The following COL3A1 variants were observed in gnomAD, a reference collection of about 807,000 sequenced individuals.
COL3A1 encodes the protein collagen alpha-1(III) chain.
A neutral mutation model predicts 200.9 loss-of-function variants in COL3A1; 46 were observed. The ratio of observed to expected loss-of-function variants is 0.23; its 90% CI spans 0.18 to 0.29. The LOEUF (loss-of-function observed/expected upper bound fraction) is 0.29. Among genes scored for constraint, COL3A1 ranks in the 10% least tolerant of loss-of-function variants. The probability of loss-of-function intolerance (pLI) is 1.00; values close to 1 mark genes in which losing one functional copy is unlikely to be tolerated. For missense variants in COL3A1, 1,367 were observed against 1,917.6 expected (o/e 0.71, Z 5.36); for synonymous variants, 650 against 628.0 (o/e 1.03, Z -0.52).
intron 24 of COL3A1, 36 bp from the exon 25 acceptor site, chr2:188,997,129 T>C (rs1295669480): frequency 1.2e-6 from 2 of 1,601,412 alleles, no homozygotes; most frequent in African/African-American, 1.3e-5. Context: ...TTATTGCCCT[T>C]TGAGGATTAG....
At chr2:188,989,976 T>A (rs1688151655) in intron 8 of COL3A1, 120 bp from the exon 9 acceptor site, 1 of 896,958 alleles carries the variant, frequency 1.1e-6, no homozygotes, top group African/African-American at 1.6e-5. Flanking sequence ...AACTATACAT[T>A]TTGTGGAACC....
In COL3A1 at chr2:189,001,277, A is replaced by T. The variant is rs889996233; in HGVS notation, c.2284-120A>T. 3.9e-5 allele frequency: 37 copies of T among 953,484 alleles called. No individual in the cohort carries two copies. The African/African-American group carries it at 4.2e-4, about 11-fold the overall frequency. 59.1% of individuals were successfully genotyped at this position (953,484 alleles called of 1,614,324 possible). ...AAAGCATAGCATTCAAGCCATAAAA[A>T]TTTTTAAAAAGTATGTTATCTAGTT... is the stretch of plus-strand genomic sequence containing the variant. On this transcript the variant is annotated intron_variant, in intron 32 of 50. Coordinates refer to ENST00000304636, the MANE Select transcript of COL3A1 (RefSeq NM_000090.4).
intron 1 of COL3A1, among the ~76,000 whole-genome samples, chr2:188,976,798 T>C (rs559165156): frequency 2.6e-5 from 4 of 152,320 alleles, no homozygotes; most frequent in Non-Finnish European, 5.9e-5. Context: ...TGGAGAAACA[T>C]AGTCTGTTTT....
chr2:188,988,668 T>C, intron 7 of COL3A1, 25 bp downstream of exon 7: 1 of 1,540,394 alleles, frequency 6.5e-7, no homozygotes, highest in Non-Finnish European at 9.0e-7. Flanking sequence ...AATTTATATT[T>C]AGTAAGTCGA....
At position 188,990,113 on chromosome 2, in the gene COL3A1, C is replaced by G. The variant is rs775390389; in HGVS notation, c.708C>G (p.Pro236=). Residue 236 remains proline (P), a synonymous_variant, in exon 9 of 51, where the codon CCC becomes CCG. Transcript: ENST00000304636. Reference sequence around the variant, plus strand: ...CTACCTAGGGAGAATCAGGTAGACCCGGACGACCTGGAGAGCGAGGATTGC... The same window carrying G: ...CTACCTAGGGAGAATCAGGTAGACCGGGACGACCTGGAGAGCGAGGATTGC... The part of the protein sequence containing the change: ...PAGKDGESGR[P]GRPGERGLPG... 13 of 1,613,624 alleles carry G rather than the reference C, an allele frequency of 8.1e-6. No homozygotes were observed. Among genetic ancestry groups the G allele is most frequent in the Non-Finnish European group, 1.0e-5 (12 of 1,179,704 alleles).
At chr2:189,003,907 T>A (rs1321178408) in intron 38 of COL3A1, 75 bp from the exon 39 acceptor site, 28 of 1,572,474 alleles carry the variant, frequency 1.8e-5, no homozygotes, top group Non-Finnish European at 2.2e-5. Context: ...ATAAAATTAT[T>A]TGAAGTAAGT....
intron 5 of COL3A1, among the ~76,000 whole-genome samples, 176 bp from the exon 6 acceptor site, chr2:188,987,905 A>T (rs1337122040): frequency 6.6e-6 from 1 of 152,096 alleles, no homozygotes; most frequent in East Asian, 1.9e-4. Flanking sequence ...TCATTACAGT[A>T]ATGTTTGCTT....
chr2:188,985,191 T>C lies in COL3A1; in HGVS notation c.283-6T>C, dbSNP rs758592053. 4.3e-6 allele frequency: 7 copies of C among 1,612,308 alleles called. No homozygotes were observed. The highest frequency in any genetic ancestry group is 5.1e-6 in the Non-Finnish European group (6 of 1,178,644). ...TTGTTTAACTTGTTTCTTTTCCATT[T>C]ATTAGCCTACTCGCCCTCCTAATGG... On this transcript the variant is annotated splice_region_variant and splice_polypyrimidine_tract_variant and intron_variant, in intron 2 of 50. Coordinates refer to ENST00000304636, the MANE Select transcript of COL3A1 (RefSeq NM_000090.4).
chr2:188,979,720 G>A (rs1439067905), intron 1 of COL3A1, among the ~76,000 whole-genome samples: 1 of 151,702 alleles, frequency 6.6e-6, no homozygotes, highest in Non-Finnish European at 1.5e-5. Context: ...TAACCTTGCA[G>A]GGATAAAAAA....
chr2:188,998,153 C>G, intron 27 of COL3A1, 113 bp from the exon 28 acceptor site: 2 of 961,676 alleles, frequency 2.1e-6, no homozygotes, highest in Non-Finnish European at 1.6e-6. Context: ...TCTACCCCTA[C>G]AAGACCACTG....
At chr2:188,998,210 CT>C in intron 27 of COL3A1, 55 bp from the exon 28 acceptor site, 1 of 1,509,114 alleles carries the variant, frequency 6.6e-7, no homozygotes, top group Non-Finnish European at 9.2e-7. Flanking sequence ...ATATGAGAAG[CT>C]TTTCTATAAG....
chr2:189,002,464 C>T (rs1688489655), intron 35 of COL3A1, 113 bp downstream of exon 35: 2 of 903,462 alleles, frequency 2.2e-6, no homozygotes, highest in East Asian at 5.1e-5. Flanking sequence ...GCTGCTCATT[C>T]CCTATAGGAT....
At position 188,994,041 on chromosome 2, in the gene COL3A1, C is replaced by A; in HGVS notation, c.1153C>A (p.Pro385Thr). ...GHAGAQGPPGPPGINGSPGGK... is the reference protein window; with the variant it reads ...GHAGAQGPPGTPGINGSPGGK... ...TATCTGTTTTTTGTATACTTAGGGC[C>A]CTCCTGGGATTAATGGTAGTCCTGG... The change falls in exon 17 of 51, where the codon CCT becomes ACT. Residue 385 changes from proline to threonine, a missense_variant. Coordinates refer to ENST00000304636, the MANE Select transcript of COL3A1 (RefSeq NM_000090.4). The surrounding 1 kb of genome is among the most constrained non-coding windows in gnomAD (Gnocchi z 4.5). 6.2e-7 allele frequency: 1 copy of A among 1,613,880 alleles called. No individual in the cohort carries two copies. The highest frequency in any genetic ancestry group is 8.5e-7 in the Non-Finnish European group (1 of 1,179,866).
intron 39 of COL3A1, 56 bp from the exon 40 acceptor site, chr2:189,004,201 A>G: frequency 1.2e-6 from 2 of 1,607,708 alleles, no homozygotes; most frequent in Non-Finnish European, 1.7e-6. Flanking sequence ...TCACAAATCG[A>G]TTAGAGAAAA....
In COL3A1 at chr2:188,984,873, A is replaced by G. The variant is rs1440480352; in HGVS notation, c.193A>G (p.Ile65Val). Reference protein sequence around the residue: ...CDSGSVLCDDIICDDQELDCP... With the variant: ...CDSGSVLCDDVICDDQELDCP... Reference sequence around the variant, plus strand: ...CTCAGGATCCGTTCTCTGCGATGACATAATATGTGACGATCAAGAATTAGA... The same window carrying G: ...CTCAGGATCCGTTCTCTGCGATGACGTAATATGTGACGATCAAGAATTAGA... Residue 65 changes from isoleucine to valine, a missense_variant, in exon 2 of 51, where the codon ATA becomes GTA. Ile to Val is a conservative substitution (Grantham distance 29). This residue lies in a region of COL3A1 where 462 missense variants were observed against 681.4 expected (regional missense o/e 0.68). Coordinates refer to ENST00000304636, the MANE Select transcript of COL3A1 (RefSeq NM_000090.4). 1 of 1,613,262 alleles carries G rather than the reference A, an allele frequency of 6.2e-7. No homozygotes were observed. Among genetic ancestry groups the G allele is most frequent in the Non-Finnish European group, 8.5e-7 (1 of 1,179,440 alleles).
intron 24 of COL3A1, 95 bp from the exon 25 acceptor site, chr2:188,997,069 TG>T: frequency 1.3e-6 from 1 of 791,732 alleles, no homozygotes; most frequent in Non-Finnish European, 2.2e-6. Flanking sequence ...CATATATATA[TG>T]AGACATATAT....
rs1357816631 is a variant in COL3A1 at position 188,991,512 on chromosome 2, A to G, written c.878A>G (p.Asn293Ser). Residue 293 changes from asparagine to serine, a missense_variant, in exon 12 of 51, where the codon AAT (asparagine) becomes AGT (serine). Transcript: ENST00000304636. The part of the protein sequence containing the change: ...LKGENGLPGE[N>S]GAPGPMGPRG... Reference sequence around the variant, plus strand: ...GGTGAAAATGGTCTTCCAGGCGAAAATGGAGCTCCTGGACCCATGGTAATT... The same window carrying G: ...GGTGAAAATGGTCTTCCAGGCGAAAGTGGAGCTCCTGGACCCATGGTAATT... 2 of 1,611,690 alleles carry G rather than the reference A, an allele frequency of 1.2e-6. No homozygotes were observed. The highest frequency in any genetic ancestry group is 2.2e-5 in the East Asian group (1 of 44,838).
chr2:188,990,495 T>C (rs1326276581), intron 10 of COL3A1, 135 bp downstream of exon 10: 1 of 834,874 alleles, frequency 1.2e-6, no homozygotes, highest in Non-Finnish European at 2.0e-6. Flanking sequence ...TTAAGTCTAC[T>C]AAGTTTGTTT....
intron 8 of COL3A1, 88 bp downstream of exon 8, chr2:188,989,537 G>GAAA: frequency 2.1e-6 from 2 of 945,908 alleles, no homozygotes; most frequent in Non-Finnish European, 3.2e-6. Flanking sequence ...AATCCCAGAA[G>GAAA]AAAAAAAAAT....
Sources: allele counts gnomAD v4.1 joint callset (sites outside exome capture counted in the v4.1 genomes callset), GRCh38; gene constraint gnomAD v4.1.1; regional missense constraint gnomAD v4.1.1; non-coding constraint Gnocchi (gnomAD v3.1); transcripts MANE v1.5; gene names NCBI Gene and HGNC (gene_info 2026-07-23, HGNC 2026-07-21).